The following FRY variants were observed in gnomAD, a reference collection of about 807,000 sequenced individuals.
FRY encodes protein furry homolog.
FRY carries 128 observed loss-of-function variants against 348.4 expected under a neutral mutation model. The observed-to-expected ratio is 0.37, with a 90% confidence interval of 0.32 to 0.43. The LOEUF (loss-of-function observed/expected upper bound fraction) is 0.43. Among genes scored for constraint, FRY ranks in the 20% least tolerant of loss-of-function variants. The pLI, the probability that FRY is intolerant of heterozygous loss-of-function variation, is 1.00. For synonymous variants in FRY, 1,370 were observed against 1,374.7 expected (o/e 1.00, Z 0.08); for missense variants, 2,736 against 3,695.2 (o/e 0.74, Z 6.73).
chr13:32,244,388 C>A (rs747736318), intron 47 of FRY, among the ~76,000 whole-genome samples: 1 of 152,204 alleles, frequency 6.6e-6, no homozygotes. Flanking sequence ...CCCCGGCACA[C>A]TCCGGTGCCT....
intron 29 of FRY, among the ~76,000 whole-genome samples, chr13:32,201,559 G>A (rs747719078): frequency 4.5e-4 from 69 of 152,208 alleles, no homozygotes; most frequent in Middle Eastern, 3.2e-3. Flanking sequence ...TATTGATTTG[G>A]TGAGCTATTG....
chr13:32,293,995 T>G (rs1889506041), intron 59 of FRY, among the ~76,000 whole-genome samples: 1 of 152,230 alleles, frequency 6.6e-6, no homozygotes, highest in Non-Finnish European at 1.5e-5. Context: ...TCAGTTAACT[T>G]GTCCATCTTC....
chr13:32,252,445 A>G (rs1306561165), intron 50 of FRY, among the ~76,000 whole-genome samples: 1 of 152,346 alleles, frequency 6.6e-6, no homozygotes, highest in African/African-American at 2.4e-5. Context: ...ATAAAACAAA[A>G]ATCATACCAT....
At chr13:32,285,781 C>G (rs1178006957) in intron 58 of FRY, among the ~76,000 whole-genome samples, 1 of 152,190 alleles carries the variant, frequency 6.6e-6, no homozygotes, top group Non-Finnish European at 1.5e-5. Context: ...TTGATGTTGT[C>G]CAAAAAGTCT....
At chr13:32,194,908 A>AGG (rs1555263756) in intron 29 of FRY, among the ~76,000 whole-genome samples, 1 of 151,866 alleles carries the variant, frequency 6.6e-6, no homozygotes, top group African/African-American at 2.4e-5. Context: ...ATTCCCAAGA[A>AGG]AGCTTATGTA....
chr13:32,034,250 G>T (rs567903037), intron 1 of FRY, among the ~76,000 whole-genome samples: 1 of 152,166 alleles, frequency 6.6e-6, no homozygotes, highest in Non-Finnish European at 1.5e-5. Flanking sequence ...TTCCATAAGC[G>T]TTTCCAGGTA....
At chr13:32,264,355 T>A (rs1375778124) in intron 53 of FRY, among the ~76,000 whole-genome samples, 1 of 152,102 alleles carries the variant, frequency 6.6e-6, no homozygotes, top group Non-Finnish European at 1.5e-5. Context: ...TTACCATTCC[T>A]GGTAATTTTC....
At chr13:32,292,350 C>T (rs969724544) in intron 59 of FRY, among the ~76,000 whole-genome samples, 2 of 152,092 alleles carry the variant, frequency 1.3e-5, no homozygotes, top group African/African-American at 2.4e-5. Flanking sequence ...AAAATGACAA[C>T]AAAAGTTTTA....
At chr13:32,250,481 G>A (rs1344987274) in intron 49 of FRY, among the ~76,000 whole-genome samples, 1 of 152,136 alleles carries the variant, frequency 6.6e-6, no homozygotes, top group Non-Finnish European at 1.5e-5. Flanking sequence ...TCTCAGGCAG[G>A]GTTTTTCTAT....
At chr13:32,089,167 T>C (rs1876087422) in intron 2 of FRY, among the ~76,000 whole-genome samples, 1 of 152,210 alleles carries the variant, frequency 6.6e-6, no homozygotes, top group African/African-American at 2.4e-5. Context: ...TATAGCATTG[T>C]AGCAATTTTA....
intron 8 of FRY, 150 bp from the exon 9 acceptor site, chr13:32,134,754 G>A (rs56151431): frequency 0.031 from 22,441 of 713,036 alleles, 436 homozygotes; most frequent in African/African-American, 0.064. Context: ...CAATACAAAT[G>A]TTTGAATCCA....
At chr13:32,197,510 A>G (rs1272408536) in intron 29 of FRY, among the ~76,000 whole-genome samples, 1 of 152,180 alleles carries the variant, frequency 6.6e-6, no homozygotes, top group Admixed American at 6.6e-5. Flanking sequence ...TCTTGGGTTC[A>G]AATCCTCACT....
In FRY at chr13:32,239,986, G is replaced by A; in HGVS notation, c.6687+105G>A. ...TCCTCCTGCCTTCGCCTCCCAGAGTGCTAGGATTACAGGCGTGGGCCACCA... is the reference window on the plus strand; with the variant it reads ...TCCTCCTGCCTTCGCCTCCCAGAGTACTAGGATTACAGGCGTGGGCCACCA... On this transcript the variant is annotated intron_variant, in intron 46 of 60. Coordinates refer to ENST00000542859, the MANE Select transcript of FRY (RefSeq NM_023037.3). This position sits in a 1 kb window ranked among gnomAD's most constrained non-coding sequence, Gnocchi z 4.3. 1.1e-6 allele frequency: 1 copy of A among 947,654 alleles called. No individual in the cohort carries two copies. The highest frequency in any genetic ancestry group is 1.6e-6 in the Non-Finnish European group (1 of 615,720). The allele number at this position is 947,654 out of a possible 1,614,324, so 58.7% of individuals were successfully genotyped here.
chr13:32,099,928 T>C (rs1877038771), intron 2 of FRY, among the ~76,000 whole-genome samples: 1 of 152,008 alleles, frequency 6.6e-6, no homozygotes, highest in South Asian at 2.1e-4. Flanking sequence ...TGATATTATT[T>C]TTGCAGAGAA....
intron 2 of FRY, among the ~76,000 whole-genome samples, chr13:32,096,798 GTC>G (rs1876754145): frequency 2.8e-5 from 1 of 35,384 alleles, no homozygotes; most frequent in Non-Finnish European, 4.9e-5. Context: ...GCAAGACTCT[GTC>G]TCAAAAAAAA....
rs144493223 is a variant in FRY, at chr13:32,133,891, C to T, written c.886-1013C>T. 3.6e-3 allele frequency among the ~76,000 whole-genome samples: 541 copies of T among 151,380 alleles called. 5 individuals are homozygous for T. Among genetic ancestry groups the T allele is most frequent in the African/African-American group, 0.012 (515 of 41,234 alleles). On this transcript the variant is annotated intron_variant, in intron 8 of 60. Transcript: ENST00000542859. ...GCCTCCCAGGCACAAGTGATCCTCC[C>T]ACCTCAGCCTCCCAAGTAGCTGGGA...
At chr13:32,107,053 T>G (rs990168244) in intron 3 of FRY, among the ~76,000 whole-genome samples, 2 of 152,206 alleles carry the variant, frequency 1.3e-5, no homozygotes, top group Non-Finnish European at 2.9e-5. Flanking sequence ...ACACTCCAAC[T>G]CTGTAAGAAT....
At position 32,147,855 on chromosome 13, in the gene FRY, A is replaced by G; in HGVS notation, c.1300A>G (p.Ile434Val). The G allele has an allele frequency of 6.2e-7, 1 of 1,604,296 alleles. No homozygotes were observed. Among genetic ancestry groups the G allele is most frequent in the Non-Finnish European group, 8.5e-7 (1 of 1,171,050 alleles). The stretch of plus-strand genomic sequence containing the variant: ...ATCTTTCAGCCGACTTATAACCATC[A>G]TCACAACACTTTTCCCCAAAGGGTC... Reference protein sequence around the residue: ...TATQSRLITIITTLFPKGSRG... With the variant: ...TATQSRLITIVTTLFPKGSRG... Residue 434 changes from isoleucine to valine, a missense_variant, in exon 13 of 61, where the codon ATC becomes GTC. This residue lies in a region of FRY where 191 missense variants were observed against 370.2 expected (regional missense o/e 0.52). Transcript: ENST00000542859.
chr13:32,202,512 C>T lies in FRY; in HGVS notation c.4003C>T (p.Leu1335Phe), dbSNP rs757109405. The T allele has an allele frequency of 6.2e-7, 1 of 1,613,160 alleles. No individual in the cohort carries two copies. The highest frequency in any genetic ancestry group is 8.5e-7 in the Non-Finnish European group (1 of 1,179,134). ...ELARMYPELT[L>F]PLFSEVSQRF... Reference sequence around the variant, plus strand: ...GGCCAGGATGTACCCTGAGCTCACACTCCCCCTCTTCTCAGGTACCAGGCA... The same window carrying T: ...GGCCAGGATGTACCCTGAGCTCACATTCCCCCTCTTCTCAGGTACCAGGCA... Residue 1335 changes from leucine to phenylalanine, a missense_variant, in exon 31 of 61, where the codon CTC (leucine) becomes TTC (phenylalanine). Coordinates refer to ENST00000542859, the MANE Select transcript of FRY (RefSeq NM_023037.3).
Sources: allele counts gnomAD v4.1 joint callset (sites outside exome capture counted in the v4.1 genomes callset), GRCh38; gene constraint gnomAD v4.1.1; regional missense constraint gnomAD v4.1.1; non-coding constraint Gnocchi (gnomAD v3.1); transcripts MANE v1.5; gene names NCBI Gene and HGNC (gene_info 2026-07-23, HGNC 2026-07-21).